The following PRKCZ variants were observed in gnomAD, a reference collection of about 807,000 sequenced individuals.
The protein encoded by PRKCZ is protein kinase C zeta.
A neutral mutation model predicts 79.5 loss-of-function variants in PRKCZ; 33 were observed. The observed-to-expected ratio is 0.41, with a 90% CI of 0.31 to 0.55. The LOEUF (loss-of-function observed/expected upper bound fraction) is 0.55. Ranked by LOEUF, PRKCZ falls within the 20% of genes least tolerant of loss-of-function variation. The probability of loss-of-function intolerance (pLI) is 0.19; values close to 1 mark genes in which losing one functional copy is unlikely to be tolerated. For synonymous variants in PRKCZ, 342 were observed against 320.9 expected, an observed-to-expected ratio of 1.07 and a Z score of -0.70; for missense variants, 578 against 813.5, an observed-to-expected ratio of 0.71 and a Z score of 3.52.
At position 2,173,676 on chromosome 1, in the gene PRKCZ, G is replaced by C. The variant is rs941609443; in HGVS notation, c.1286-221G>C. Among the ~76,000 whole-genome samples the C allele has an allele frequency of 1.3e-5, 2 of 152,230 alleles. No homozygotes were observed. The highest frequency in any genetic ancestry group is 4.8e-5 in the African/African-American group (2 of 41,468). On this transcript the variant is annotated intron_variant, in intron 13 of 17. Coordinates refer to ENST00000378567, the MANE Select transcript of PRKCZ (RefSeq NM_002744.6). This position sits in a 1 kb window ranked among gnomAD's most constrained non-coding sequence, Gnocchi z 5.7. ...AGGACCGACAGCCCAGAGGCAGCCT[G>C]GGAGACCTCCGTAGTGTCAGGGACG...
intron 4 of PRKCZ, among the ~76,000 whole-genome samples, chr1:2,085,273 G>A (rs1047213492): frequency 9.2e-5 from 14 of 152,250 alleles, no homozygotes; most frequent in African/African-American, 2.7e-4. Flanking sequence ...ACCTGGCGTG[G>A]GCGTGAAGCT....
Position 2,168,751 on chromosome 1 carries a change from C to A in PRKCZ, c.975-767C>A. The stretch of plus-strand genomic sequence containing the variant: ...TCCACGAGGGGCAGCCAGGAGCAGC[C>A]ACCAGTCGGAAGCAAATAAACAATT... On this transcript the variant is annotated intron_variant, in intron 10 of 17. Transcript: ENST00000378567. The surrounding 1 kb of genome is among the most constrained non-coding windows in gnomAD (Gnocchi z 4.7). 5.5e-6 allele frequency: 1 copy of A among 181,458 alleles called. No individual in the cohort carries two copies. The highest frequency in any genetic ancestry group is 1.2e-5 in the Non-Finnish European group (1 of 84,662). 11.2% of individuals were successfully genotyped at this position (181,458 alleles called of 1,614,324 possible).
chr1:2,137,853 C>A (rs570368404), intron 5 of PRKCZ, among the ~76,000 whole-genome samples: 1 of 152,328 alleles, frequency 6.6e-6, no homozygotes, highest in East Asian at 1.9e-4. Flanking sequence ...CCACCACAGC[C>A]CCGCTCTGCT....
At chr1:2,181,974 C>T (rs1190595749) in intron 16 of PRKCZ, 8 of 414,830 alleles carry the variant, frequency 1.9e-5, no homozygotes, top group Non-Finnish European at 3.9e-5. Flanking sequence ...TCCCCAGCAC[C>T]GTCTCCTCCA....
chr1:2,175,736 C>T (rs1328956444), intron 16 of PRKCZ, among the ~76,000 whole-genome samples: 1 of 152,060 alleles, frequency 6.6e-6, no homozygotes, highest in Non-Finnish European at 1.5e-5. Context: ...GGACCACCCT[C>T]CAGGGCCCCG....
intron 9 of PRKCZ, among the ~76,000 whole-genome samples, chr1:2,155,410 T>TG (rs985147205): frequency 1.6e-4 from 24 of 151,754 alleles, no homozygotes; most frequent in African/African-American, 5.1e-4. Flanking sequence ...ACGGTGATGA[T>TG]GGCAGTGGTG....
intron 4 of PRKCZ, among the ~76,000 whole-genome samples, chr1:2,095,824 CTTCCCCTCCCTTCTCCTCTT>C (rs1466125870): frequency 1.4e-5 from 2 of 138,472 alleles, no homozygotes; most frequent in Non-Finnish European, 3.2e-5. Flanking sequence ...CCTCCTGTCC[CTTCCCCTCCCTTCTCCTCTT>C]TTCCCCTCCC....
rs978985808 is a variant in PRKCZ at position 2,150,698 on chromosome 1, G to T, written c.688-92G>T. 2.3e-6 allele frequency: 3 copies of T among 1,304,258 alleles called. No homozygotes were observed. In the African/African-American group the frequency reaches 4.5e-5, roughly 19 times the overall value. 80.8% of individuals were successfully genotyped at this position (1,304,258 alleles called of 1,614,324 possible). On this transcript the variant is annotated intron_variant, in intron 8 of 17. Transcript: ENST00000378567. ...TGAGGCCCTGGGCTCTGAGGAGCAG[G>T]TCTCTGTTGGGACCGCATGAGTGAT...
At position 2,059,528 on chromosome 1, in the gene PRKCZ, C is replaced by CT; in HGVS notation, c.284-12dup. 1 of 1,614,014 alleles carries CT rather than the reference C, an allele frequency of 6.2e-7. No homozygotes were observed. Among genetic ancestry groups the CT allele is most frequent in the South Asian group, 1.1e-5 (1 of 90,940 alleles). On this transcript the variant is annotated splice_polypyrimidine_tract_variant and intron_variant, in intron 3 of 17. Transcript: ENST00000378567. ...CAGGGTCTTGACGCTGTCTCTTTCT[C>CT]TCTCTTGTCCAGTTTTCCCGAGCAC...
At chr1:2,070,891 G>A (rs1184603409) in intron 4 of PRKCZ, among the ~76,000 whole-genome samples, 1 of 152,060 alleles carries the variant, frequency 6.6e-6, no homozygotes, top group African/African-American at 2.4e-5. Flanking sequence ...GAGCAATGGC[G>A]GGATCCCCAG....
chr1:2,073,704 C>T (rs1025757998), intron 4 of PRKCZ: 5 of 993,920 alleles, frequency 5.0e-6, no homozygotes, highest in Non-Finnish European at 6.0e-6. Flanking sequence ...GGGTACCACC[C>T]GGGCCTGGAG....
intron 4 of PRKCZ, among the ~76,000 whole-genome samples, chr1:2,062,690 G>T (rs796071209): frequency 1.3e-5 from 2 of 151,796 alleles, no homozygotes; most frequent in Non-Finnish European, 2.9e-5. Flanking sequence ...GTTTTACCAT[G>T]TTGCCCAGGC....
At chr1:2,087,272 G>C (rs1207268307) in intron 4 of PRKCZ, among the ~76,000 whole-genome samples, 1 of 151,920 alleles carries the variant, frequency 6.6e-6, no homozygotes, top group Admixed American at 6.6e-5. Context: ...TAGTAGAGAC[G>C]GGGTGTCACC....
At chr1:2,118,713 C>CTCTGTG (rs1553153045) in intron 4 of PRKCZ, among the ~76,000 whole-genome samples, 5 of 120,626 alleles carry the variant, frequency 4.1e-5, no homozygotes, top group East Asian at 2.6e-4. Context: ...CACACCAGCT[C>CTCTGTG]TGTGTGTGTG....
intron 4 of PRKCZ, among the ~76,000 whole-genome samples, chr1:2,103,121 G>A (rs560464443): frequency 2.7e-4 from 41 of 152,268 alleles, no homozygotes; most frequent in Admixed American, 1.8e-3. Context: ...CACTTCGCCC[G>A]CCCAAAGTAC....
chr1:2,132,499 G>A (rs934459757), intron 4 of PRKCZ, among the ~76,000 whole-genome samples: 1 of 152,184 alleles, frequency 6.6e-6, no homozygotes, highest in South Asian at 2.1e-4. Flanking sequence ...GGTGTTTGGG[G>A]CTGCGGGGGA....
At chr1:2,096,753 A>G (rs1159837002) in intron 4 of PRKCZ, among the ~76,000 whole-genome samples, 1 of 152,094 alleles carries the variant, frequency 6.6e-6, no homozygotes, top group East Asian at 1.9e-4. Context: ...ACTTCCCCAG[A>G]TTCCTGAGTT....
intron 1 of PRKCZ, among the ~76,000 whole-genome samples, chr1:2,051,479 C>T (rs1346305906): frequency 6.6e-6 from 1 of 152,196 alleles, no homozygotes; most frequent in Admixed American, 6.5e-5. Context: ...CACCTGTGCG[C>T]GTCTCCAGGA....
intron 4 of PRKCZ, among the ~76,000 whole-genome samples, chr1:2,062,450 A>G (rs1660771034): frequency 6.6e-6 from 1 of 151,144 alleles, no homozygotes; most frequent in Non-Finnish European, 1.5e-5. Flanking sequence ...ATTCTGGTAA[A>G]ATGCACATAA....
Sources: gnomAD v4.1 joint callset for allele counts (sites outside exome capture counted in the v4.1 genomes callset) on GRCh38, gnomAD v4.1.1 for gene constraint, Gnocchi (gnomAD v3.1) non-coding constraint, MANE v1.5 for transcripts, NCBI Gene and HGNC (gene_info 2026-07-23, HGNC 2026-07-21) for gene names.